The following KIF26A variants were observed in gnomAD, a reference collection of about 807,000 sequenced individuals.
KIF26A encodes kinesin family member 26A.
Under a neutral mutation model 126.0 loss-of-function variants are expected in KIF26A, and 74 were observed. That is an observed-to-expected ratio of 0.59 (90% CI 0.49 to 0.71). KIF26A has a LOEUF of 0.71. Among genes scored for constraint, KIF26A ranks in the 30% least tolerant of loss-of-function variants. The pLI, the probability that KIF26A is intolerant of heterozygous loss-of-function variation, is 0.00. For synonymous variants in KIF26A, 1,445 were observed against 1,232.7 expected (o/e 1.17, Z -3.61); for missense variants, 2,984 against 2,763.3 (o/e 1.08, Z -1.79).
Position 104,171,710 on chromosome 14 carries a change from A to G in KIF26A, c.1114-13A>G, listed in dbSNP as rs1486065158. ...GGAGGCAGCTTCTCAGGTGCCGCCC[A>G]CCTCTGCCCCAGGTGAAGGTTATGC... On this transcript the variant is annotated splice_polypyrimidine_tract_variant and intron_variant, in intron 5 of 14. Transcript: ENST00000423312. The G allele has an allele frequency of 6.4e-7, 1 of 1,551,094 alleles. No homozygotes were observed. The highest frequency in any genetic ancestry group is 8.7e-7 in the Non-Finnish European group (1 of 1,147,816).
rs143482349 is a variant in KIF26A at position 104,152,976 on chromosome 14, C to T, written c.735+515C>T. ...GGACATGTGGGTGGCTGTGAAGAGC[C>T]GTGTTTCTGCCTGGTACACTGTCTA... On this transcript the variant is annotated intron_variant, in intron 3 of 14. Transcript: ENST00000423312. This position sits in a 1 kb window ranked among gnomAD's most constrained non-coding sequence, Gnocchi z 5.9. Among the ~76,000 whole-genome samples, 419 of 152,234 alleles carry T rather than the reference C, an allele frequency of 2.8e-3. 2 individuals carry two copies. Among genetic ancestry groups the T allele is most frequent in the African/African-American group, 9.2e-3 (383 of 41,530 alleles).
chr14:104,175,089 C>T lies in KIF26A; in HGVS notation c.2301C>T (p.Asp767=), dbSNP rs555617546. Residue 767 remains aspartate, a synonymous_variant, in exon 12 of 15, where the codon GAC becomes GAT. Coordinates refer to ENST00000423312, the MANE Select transcript of KIF26A (RefSeq NM_015656.2). ...FHPRTVALDP[D]RTPPCLPGDP... Reference sequence around the variant, plus strand: ...CACGCACTGTGGCCCTGGACCCCGACCGCACGCCTCCCTGCCTGCCCGGTG... The same window carrying T: ...CACGCACTGTGGCCCTGGACCCCGATCGCACGCCTCCCTGCCTGCCCGGTG... The T allele has an allele frequency of 1.3e-6, 2 of 1,599,412 alleles. No homozygotes were observed. The highest frequency in any genetic ancestry group is 1.7e-5 in the Admixed American group (1 of 58,474).
intron 3 of KIF26A, among the ~76,000 whole-genome samples, chr14:104,153,344 C>T (rs968908506): frequency 6.6e-6 from 1 of 152,098 alleles, no homozygotes; most frequent in African/African-American, 2.4e-5. Context: ...TGGACACCCC[C>T]CGGGTCCCAG....
intron 2 of KIF26A, among the ~76,000 whole-genome samples, chr14:104,146,065 G>T (rs551920978): frequency 6.6e-6 from 1 of 152,228 alleles, no homozygotes; most frequent in East Asian, 1.9e-4. Context: ...AGTCACCCAG[G>T]TCTGAGTTGG....
At chr14:104,172,535 G>T (rs1224120238) in intron 6 of KIF26A, 40 bp from the exon 7 acceptor site, 19 of 1,512,594 alleles carry the variant, frequency 1.3e-5, no homozygotes, top group Non-Finnish European at 1.7e-5. Context: ...GTGGCAGAAG[G>T]AAGGGGCCAC....
chr14:104,141,630 C>T (rs576044167), intron 2 of KIF26A, among the ~76,000 whole-genome samples: 7 of 150,084 alleles, frequency 4.7e-5, no homozygotes, highest in African/African-American at 1.5e-4. Flanking sequence ...TGCCTGTCTC[C>T]GTTGTAGAGG....
intron 2 of KIF26A, among the ~76,000 whole-genome samples, chr14:104,145,255 G>C (rs1355237824): frequency 6.6e-6 from 1 of 152,210 alleles, no homozygotes; most frequent in Non-Finnish European, 1.5e-5. Flanking sequence ...TCTCCGTTTC[G>C]TTCACGGGCG....
In KIF26A at chr14:104,175,470, G is replaced by C; in HGVS notation, c.2682G>C (p.Met894Ile). Residue 894 changes from methionine to isoleucine, a missense_variant, in exon 12 of 15, where the codon ATG becomes ATC. By Grantham distance (10) the Met-to-Ile change is conservative (BLOSUM62 1). Coordinates refer to ENST00000423312, the MANE Select transcript of KIF26A (RefSeq NM_015656.2). ...CCAGGAAGGCCGTGGGCACCCCGAT[G>C]GCTGCCAGCACCCCTCGAGGCAGTT... ...ASPRKAVGTP[M>I]AASTPRGSSG... 1 of 1,592,696 alleles carries C rather than the reference G, an allele frequency of 6.3e-7. No individual in the cohort carries two copies.
intron 2 of KIF26A, among the ~76,000 whole-genome samples, chr14:104,150,208 C>G (rs1411621826): frequency 6.0e-5 from 5 of 82,670 alleles, no homozygotes; most frequent in African/African-American, 1.3e-4. Context: ...CCCCCACCCC[C>G]TCCTCCTCCT....
chr14:104,148,840 C>T lies in KIF26A; in HGVS notation c.289-3175C>T, dbSNP rs1162401548. ...AGCCACCCATGTCAGCAGCGGCCTC[C>T]CTGAGCCCCTCCCTGGAGCCCTGAG... On this transcript the variant is annotated intron_variant, in intron 2 of 14. Coordinates refer to ENST00000423312, the MANE Select transcript of KIF26A (RefSeq NM_015656.2). This position sits in a 1 kb window ranked among gnomAD's most constrained non-coding sequence, Gnocchi z 4.3. Among the ~76,000 whole-genome samples the T allele has an allele frequency of 2.0e-5, 3 of 152,166 alleles. No homozygotes were observed. Among genetic ancestry groups the T allele is most frequent in the African/African-American group, 7.2e-5 (3 of 41,416 alleles).
Position 104,152,500 on chromosome 14 carries a change from C to T in KIF26A, c.735+39C>T. ...TCAGCGGATGGGAGCTGCTGGCCTC[C>T]TTGTCAGAACTGGGCTTCCTTCGGG... On this transcript the variant is annotated intron_variant, in intron 3 of 14. Coordinates refer to ENST00000423312, the MANE Select transcript of KIF26A (RefSeq NM_015656.2). The surrounding 1 kb of genome is among the most constrained non-coding windows in gnomAD (Gnocchi z 5.9). 6.7e-7 allele frequency: 1 copy of T among 1,498,322 alleles called. No homozygotes were observed. Among genetic ancestry groups the T allele is most frequent in the South Asian group, 1.3e-5 (1 of 74,808 alleles). 92.8% of individuals were successfully genotyped at this position (1,498,322 alleles called of 1,614,324 possible).
rs763025369 is a variant in KIF26A, at chr14:104,176,274, G to T, written c.3486G>T (p.Gly1162=). The change falls in exon 12 of 15, where the codon GGG becomes GGT. Residue 1162 remains glycine, a synonymous_variant. Transcript: ENST00000423312. ...GGGATGGAAGCTCTGGGTTCCTGGG[G>T]CCAGACAGACCTGACAGTCCTGGGC... The part of the protein sequence containing the change: ...SLGDGSSGFL[G]PDRPDSPGPT... The T allele has an allele frequency of 3.8e-6, 6 of 1,594,572 alleles. No homozygotes were observed. The South Asian group carries it at 5.7e-5, about 15-fold the overall frequency.
At position 104,157,794 on chromosome 14, in the gene KIF26A, G is replaced by T; in HGVS notation, c.775G>T (p.Val259Phe). ...GGCGGCCGTGGCGGTGGCAGACACG[G>T]TCCGAGAATGCCCCCCCGTGGCCGG... ...AVAAVAVADTVRECPPVAGPD... is the reference protein window; with the variant it reads ...AVAAVAVADTFRECPPVAGPD... Residue 259 changes from valine to phenylalanine, a missense_variant, in exon 4 of 15, where the codon GTC (valine) becomes TTC (phenylalanine). Coordinates refer to ENST00000423312, the MANE Select transcript of KIF26A (RefSeq NM_015656.2). The T allele has an allele frequency of 6.2e-7, 1 of 1,610,440 alleles. No homozygotes were observed. The highest frequency in any genetic ancestry group is 2.2e-5 in the East Asian group (1 of 44,800).
At position 104,179,306 on chromosome 14, in the gene KIF26A, C is replaced by T; in HGVS notation, c.5387C>T (p.Ala1796Val). The change falls in exon 14 of 15, where the codon GCC (alanine) becomes GTC (valine). Residue 1796 changes from alanine to valine, a missense_variant. By Grantham distance (64) the Ala-to-Val change is moderately conservative. Transcript: ENST00000423312. ...RRQQRLREVQAKHKHLCEELA... is the reference protein window; with the variant it reads ...RRQQRLREVQVKHKHLCEELA... The stretch of plus-strand genomic sequence containing the variant: ...CAGCAGCGGCTGCGGGAGGTGCAGG[C>T]CAAGCACAAGCACCTGTGTGAGGAG... 2 of 1,538,262 alleles carry T rather than the reference C, an allele frequency of 1.3e-6. No homozygotes were observed. The highest frequency in any genetic ancestry group is 1.7e-6 in the Non-Finnish European group (2 of 1,145,756).
At position 104,167,025 on chromosome 14, in the gene KIF26A, G is replaced by A. The variant is rs1257832922; in HGVS notation, c.1090G>A (p.Asp364Asn). Reference sequence around the variant, plus strand: ...GCTCAGGGCCGCCTCCAAGACCAAGGACAACCCTGGCAGCATCGGGAAGGT... The same window carrying A: ...GCTCAGGGCCGCCTCCAAGACCAAGAACAACCCTGGCAGCATCGGGAAGGT... ...CLLRAASKTK[D>N]NPGSIGKVKV... is the part of the protein sequence containing the mutation. Residue 364 changes from aspartate to asparagine, a missense_variant, in exon 5 of 15, where the codon GAC (aspartate) becomes AAC (asparagine). Transcript: ENST00000423312. The A allele has an allele frequency of 3.8e-6, 6 of 1,576,058 alleles. No homozygotes were observed. The highest frequency in any genetic ancestry group is 3.4e-6 in the Non-Finnish European group (4 of 1,162,098).
At chr14:104,155,444 C>T (rs2037767778) in intron 3 of KIF26A, among the ~76,000 whole-genome samples, 1 of 151,944 alleles carries the variant, frequency 6.6e-6, no homozygotes, top group Non-Finnish European at 1.5e-5. Flanking sequence ...GCCCTTGGCT[C>T]TGCGCCCCTC....
intron 2 of KIF26A, among the ~76,000 whole-genome samples, chr14:104,147,363 A>G (rs2037689526): frequency 1.3e-5 from 2 of 152,108 alleles, no homozygotes; most frequent in Admixed American, 1.3e-4. Context: ...GCCCTTGGGG[A>G]TGGCGTGCCG....
At chr14:104,153,070 G>A (rs559207203) in intron 3 of KIF26A, among the ~76,000 whole-genome samples, 77 of 152,260 alleles carry the variant, frequency 5.1e-4, no homozygotes, top group African/African-American at 1.6e-3. Context: ...GTGTTTCCAG[G>A]GGCAGACAGA....
rs1437039785 is a variant in KIF26A at position 104,175,745 on chromosome 14, G to A, written c.2957G>A (p.Gly986Glu). 5.8e-6 allele frequency: 9 copies of A among 1,550,376 alleles called. No individual in the cohort carries two copies. The Admixed American group carries it at 7.7e-5, about 13-fold the overall frequency. ...VARTPPVGMS[G>E]QVAGSPMLPG... ...CGGACCCCTCCCGTGGGCATGAGTGGGCAGGTGGCTGGGTCCCCGATGCTT... is the reference window on the plus strand; with the variant it reads ...CGGACCCCTCCCGTGGGCATGAGTGAGCAGGTGGCTGGGTCCCCGATGCTT... Residue 986 changes from glycine to glutamate, a missense_variant, in exon 12 of 15, where the codon GGG (glycine) becomes GAG (glutamate). Gly to Glu is a moderately conservative substitution (Grantham distance 98, BLOSUM62 -2). Transcript: ENST00000423312.
Sources: allele counts gnomAD v4.1 joint callset (sites outside exome capture counted in the v4.1 genomes callset), GRCh38; gene constraint gnomAD v4.1.1; non-coding constraint Gnocchi (gnomAD v3.1); transcripts MANE v1.5; gene names NCBI Gene and HGNC (gene_info 2026-07-23, HGNC 2026-07-21).